ZNF624: variants seen among roughly 807,000 people sequenced by gnomAD.
ZNF624 encodes zinc finger protein 624.
A neutral mutation model predicts 74.7 loss-of-function variants in ZNF624; 43 were observed. The observed-to-expected ratio is 0.58, with a 90% CI of 0.45 to 0.74. ZNF624 has a LOEUF of 0.74. Among genes scored for constraint, ZNF624 ranks in the 30% least tolerant of loss-of-function variants. The pLI is 0.00. For missense variants in ZNF624, 820 were observed against 1,030.0 expected (o/e 0.80, Z 2.79); for synonymous variants, 331 against 341.3 (o/e 0.97, Z 0.33).
rs773922780 is a variant in ZNF624, at chr17:16,623,634, A to G, written c.1252T>C (p.Cys418Arg). 1 of 1,610,840 alleles carries G rather than the reference A, an allele frequency of 6.2e-7. No homozygotes were observed. Among genetic ancestry groups the G allele is most frequent in the East Asian group, 2.2e-5 (1 of 44,862 alleles). ...ETHNGEKPYK[C>R]DDCGKAFRNK... ...CTAAAGGCTTTCCCACAATCATCAC[A>G]TTTGTAGGGTTTCTCACCATTGTGA... The change falls in exon 6 of 6, where the codon TGT (cysteine) becomes CGT (arginine). Residue 418 changes from cysteine to arginine, a missense_variant. By Grantham distance (180) the Cys-to-Arg change is radical. Coordinates refer to ENST00000311331, the MANE Select transcript of ZNF624 (RefSeq NM_020787.4). The surrounding 1 kb of genome is among the most constrained non-coding windows in gnomAD (Gnocchi z 5.3).
At chr17:16,626,702 T>C (rs951597664) in intron 5 of ZNF624, among the ~76,000 whole-genome samples, 5 of 152,210 alleles carry the variant, frequency 3.3e-5, no homozygotes, top group Non-Finnish European at 7.3e-5. Context: ...CAGTGAGCTA[T>C]GATTGCATCA....
the ZNF624 span, among the ~76,000 whole-genome samples, chr17:16,614,993 T>C: frequency 6.6e-6 from 1 of 152,202 alleles, no homozygotes; most frequent in Admixed American, 6.5e-5. Context: ...TGAGGTTATC[T>C]AGATCAGTCA....
At chr17:16,633,128 C>T (rs1263701912) in intron 5 of ZNF624, among the ~76,000 whole-genome samples, 2 of 152,180 alleles carry the variant, frequency 1.3e-5, no homozygotes, top group East Asian at 1.9e-4. Flanking sequence ...TCTTATCCTC[C>T]AATTTATCTC....
intron 3 of ZNF624, among the ~76,000 whole-genome samples, chr17:16,638,985 T>A (rs540429077): frequency 2.4e-4 from 36 of 152,274 alleles, no homozygotes; most frequent in African/African-American, 8.4e-4. Context: ...ACTGAATGAA[T>A]CATCACAATA....
chr17:16,626,890 C>G (rs1281867313), intron 5 of ZNF624, among the ~76,000 whole-genome samples: 1 of 151,626 alleles, frequency 6.6e-6, no homozygotes, highest in East Asian at 2.0e-4. Context: ...AACCCCGTCT[C>G]AACTAAACAC....
intron 3 of ZNF624, among the ~76,000 whole-genome samples, chr17:16,638,606 G>A (rs867765683): frequency 2.1e-3 from 312 of 152,132 alleles, no homozygotes; most frequent in Middle Eastern, 6.8e-3. Context: ...GCAAACTATC[G>A]CAAGGACAAA....
At chr17:16,650,967 A>T (rs562204208) in intron 1 of ZNF624, among the ~76,000 whole-genome samples, 14 of 152,322 alleles carry the variant, frequency 9.2e-5, no homozygotes, top group Admixed American at 5.2e-4. Flanking sequence ...TGAAGTACTT[A>T]ACCATTATTC....
At chr17:16,642,706 G>A (rs1909495334) in intron 3 of ZNF624, among the ~76,000 whole-genome samples, 1 of 152,034 alleles carries the variant, frequency 6.6e-6, no homozygotes, top group Non-Finnish European at 1.5e-5. Flanking sequence ...TGCTTCAAAG[G>A]ACATCATCAA....
chr17:16,630,797 G>A (rs1046753401), intron 5 of ZNF624, among the ~76,000 whole-genome samples: 2 of 151,658 alleles, frequency 1.3e-5, no homozygotes, highest in African/African-American at 4.8e-5. Context: ...TTATAACTTT[G>A]TATTTACATA....
intron 3 of ZNF624, among the ~76,000 whole-genome samples, chr17:16,641,949 T>C (rs944248196): frequency 6.6e-6 from 1 of 152,184 alleles, no homozygotes; most frequent in African/African-American, 2.4e-5. Flanking sequence ...TAACAAAAGA[T>C]GTGTAAAACA....
rs1193459792 is a variant in ZNF624, at chr17:16,623,591, C to A, written c.1295G>T (p.Ser432Ile). 5.0e-6 allele frequency: 8 copies of A among 1,611,812 alleles called. No individual in the cohort carries two copies. The highest frequency in any genetic ancestry group is 6.8e-6 in the Non-Finnish European group (8 of 1,179,296). ...TTCAGTGTGGGTCTTCTGATGTACA[C>A]TAAGATATGACTTGTTCCTAAAGGC... ...GKAFRNKSYL[S>I]VHQKTHTEEK... Residue 432 changes from serine to isoleucine, a missense_variant, in exon 6 of 6, where the codon AGT becomes ATT. By Grantham distance (142) the Ser-to-Ile change is moderately radical (BLOSUM62 -2). Transcript: ENST00000311331. This position sits in a 1 kb window ranked among gnomAD's most constrained non-coding sequence, Gnocchi z 5.3.
At chr17:16,647,005 A>G (rs1909608726) in intron 3 of ZNF624, among the ~76,000 whole-genome samples, 1 of 152,246 alleles carries the variant, frequency 6.6e-6, no homozygotes, top group African/African-American at 2.4e-5. Context: ...ATTTAAACTC[A>G]TCTTAACACT....
chr17:16,628,216 T>C lies in ZNF624; in HGVS notation c.377-3707A>G, dbSNP rs146040727. ...AGGTGGAGGTTGCAGTGAACTGAGA[T>C]TGCGCCACTGCACTCCAGCCTGGGT... On this transcript the variant is annotated intron_variant, in intron 5 of 5. Coordinates refer to ENST00000311331, the MANE Select transcript of ZNF624 (RefSeq NM_020787.4). Among the ~76,000 whole-genome samples the C allele has an allele frequency of 3.8e-3, 575 of 152,134 alleles. 5 individuals are homozygous for C. Among genetic ancestry groups the C allele is most frequent in the Non-Finnish European group, 3.8e-3 (261 of 67,998 alleles).
Position 16,623,053 on chromosome 17 carries a change from T to C in ZNF624, c.1833A>G (p.Pro611=). 1 of 1,613,972 alleles carries C rather than the reference T, an allele frequency of 6.2e-7. No homozygotes were observed. Among genetic ancestry groups the C allele is most frequent in the South Asian group, 1.1e-5 (1 of 91,046 alleles). The change falls in exon 6 of 6, where the codon CCA becomes CCG. Residue 611 remains proline, a synonymous_variant. Coordinates refer to ENST00000311331, the MANE Select transcript of ZNF624 (RefSeq NM_020787.4). The surrounding 1 kb of genome is among the most constrained non-coding windows in gnomAD (Gnocchi z 5.3). The part of the protein sequence containing the change: ...VHQRIHTGEK[P]YKCTDCERAF... Reference sequence around the variant, plus strand: ...CCCTCTCGCAGTCAGTACATTTATATGGTTTCTCTCCAGTGTGAATTCTCT... The same window carrying C: ...CCCTCTCGCAGTCAGTACATTTATACGGTTTCTCTCCAGTGTGAATTCTCT...
At chr17:16,618,090 C>T (rs914440743), downstream of ZNF624, among the ~76,000 whole-genome samples, 1 of 152,104 alleles carries the variant, frequency 6.6e-6, no homozygotes, top group Non-Finnish European at 1.5e-5. Context: ...GAGGTTAGTT[C>T]CTCAGGATCC....
the ZNF624 span, among the ~76,000 whole-genome samples, chr17:16,614,612 C>A: frequency 2.0e-5 from 3 of 151,898 alleles, no homozygotes; most frequent in African/African-American, 7.3e-5. Context: ...CCAATAATAC[C>A]AATCTTACAC....
At chr17:16,651,091 TAACTC>T (rs1204639272) in intron 1 of ZNF624, among the ~76,000 whole-genome samples, 1 of 152,136 alleles carries the variant, frequency 6.6e-6, no homozygotes, top group African/African-American at 2.4e-5. Context: ...ATTAATGTAT[TAACTC>T]AAGGAGGAGA....
downstream of ZNF624, among the ~76,000 whole-genome samples, chr17:16,616,313 G>A (rs1205577891): frequency 6.6e-6 from 1 of 151,884 alleles, no homozygotes; most frequent in African/African-American, 2.4e-5. Flanking sequence ...TCCACAAATG[G>A]CAGATATCAA....
intron 3 of ZNF624, among the ~76,000 whole-genome samples, chr17:16,643,181 A>C (rs1909505752): frequency 6.6e-6 from 1 of 152,226 alleles, no homozygotes; most frequent in East Asian, 1.9e-4. Context: ...CTAGGTATAT[A>C]CCAAGAGAAA....
Sources: gnomAD v4.1 joint callset for allele counts (sites outside exome capture counted in the v4.1 genomes callset) on GRCh38, gnomAD v4.1.1 for gene constraint, Gnocchi (gnomAD v3.1) non-coding constraint, MANE v1.5 for transcripts, NCBI Gene and HGNC (gene_info 2026-07-23, HGNC 2026-07-21) for gene names.